Variants in TCP11L2 observed in about 807,000 individuals in gnomAD.
TCP11L2 encodes t-complex 11 like 2.
Under a neutral mutation model 50.7 loss-of-function variants are expected in TCP11L2, and 39 were observed. The observed-to-expected ratio is 0.77, with a 90% CI of 0.60 to 1.01. The LOEUF (loss-of-function observed/expected upper bound fraction) is 1.01, where lower values mean the gene tolerates loss of function less well. TCP11L2 is among the 50% of genes least tolerant of loss of function. The pLI is 0.00. For synonymous variants in TCP11L2, 192 were observed against 219.3 expected, an observed-to-expected ratio of 0.88 and a Z score of 1.10; for missense variants, 612 against 614.7, an observed-to-expected ratio of 1.00 and a Z score of 0.05.
intron 5 of TCP11L2, among the ~76,000 whole-genome samples, chr12:106,322,153 A>C (rs1359887090): frequency 6.6e-6 from 1 of 152,146 alleles, no homozygotes; most frequent in Non-Finnish European, 1.5e-5. Context: ...TTATCCAGTA[A>C]AAGTTTGTTT....
chr12:106,339,414 C>T (rs1442669264), intron 8 of TCP11L2, among the ~76,000 whole-genome samples: 1 of 152,044 alleles, frequency 6.6e-6, no homozygotes, highest in Non-Finnish European at 1.5e-5. Context: ...AATATTTTCT[C>T]CCATTCTATA....
chr12:106,336,740 A>C (rs1025421024), intron 8 of TCP11L2, among the ~76,000 whole-genome samples: 1 of 151,912 alleles, frequency 6.6e-6, no homozygotes, highest in Non-Finnish European at 1.5e-5. Context: ...TTTAGTAGAG[A>C]CCGGGTTTCA....
intron 4 of TCP11L2, 66 bp from the exon 5 acceptor site, chr12:106,321,420 T>G (rs1028169893): frequency 7.2e-7 from 1 of 1,389,926 alleles, no homozygotes; most frequent in Non-Finnish European, 9.9e-7. Flanking sequence ...ATCTAGACAC[T>G]GAGGTGAAAA....
intron 1 of TCP11L2, among the ~76,000 whole-genome samples, chr12:106,307,853 G>A (rs1203619591): frequency 6.6e-6 from 1 of 152,190 alleles, no homozygotes; most frequent in African/African-American, 2.4e-5. Context: ...GAAAACATTT[G>A]TATACTGTTT....
At chr12:106,298,465 C>T (rs2034376089), upstream of TCP11L2, among the ~76,000 whole-genome samples, 1 of 152,106 alleles carries the variant, frequency 6.6e-6, no homozygotes, top group Admixed American at 6.5e-5. Context: ...TGAAGATGGA[C>T]AGGGGAGAGA....
chr12:106,329,340 G>C (rs1402138171), intron 6 of TCP11L2: 3 of 1,536,018 alleles, frequency 2.0e-6, no homozygotes, highest in African/African-American at 1.4e-5. Context: ...GAAAAGCCGA[G>C]GTTGCAGGTG....
intron 3 of TCP11L2, among the ~76,000 whole-genome samples, chr12:106,315,855 G>A (rs532930803): frequency 1.6e-4 from 25 of 152,322 alleles, no homozygotes; most frequent in Admixed American, 7.8e-4. Flanking sequence ...AAGTTGGTTC[G>A]TGGATTGAAT....
chr12:106,307,796 T>C (rs1278607227), intron 1 of TCP11L2, among the ~76,000 whole-genome samples: 1 of 152,188 alleles, frequency 6.6e-6, no homozygotes, highest in African/African-American at 2.4e-5. Flanking sequence ...CCCTCCAGAG[T>C]GTTTAATTCC....
At chr12:106,331,490 C>T (rs1278799381) in intron 6 of TCP11L2, among the ~76,000 whole-genome samples, 1 of 152,186 alleles carries the variant, frequency 6.6e-6, no homozygotes, top group Non-Finnish European at 1.5e-5. Context: ...TGACTGGGCC[C>T]TCTAGAGACA....
chr12:106,320,248 A>G (rs895815783), intron 4 of TCP11L2, among the ~76,000 whole-genome samples: 5 of 152,140 alleles, frequency 3.3e-5, no homozygotes, highest in African/African-American at 1.2e-4. Context: ...AAATACAAAA[A>G]TTAGCTGGAT....
intron 1 of TCP11L2, chr12:106,303,571 T>A (rs1203471444): frequency 6.6e-6 from 1 of 152,350 alleles, no homozygotes; most frequent in Non-Finnish European, 1.5e-5. Flanking sequence ...AAAAGCCGAT[T>A]GGGCCTGGGC....
intron 6 of TCP11L2, among the ~76,000 whole-genome samples, chr12:106,332,136 A>G (rs1484661296): frequency 6.6e-6 from 1 of 152,238 alleles, no homozygotes. Context: ...GCCATTTGCT[A>G]TACTTTAAGG....
intron 6 of TCP11L2, among the ~76,000 whole-genome samples, chr12:106,334,230 T>C (rs1048151841): frequency 2.0e-5 from 3 of 152,190 alleles, no homozygotes; most frequent in Non-Finnish European, 4.4e-5. Context: ...TACTAAGAGA[T>C]GTCTGTATTA....
intron 9 of TCP11L2, among the ~76,000 whole-genome samples, chr12:106,343,838 T>C (rs1436619752): frequency 5.9e-5 from 9 of 151,668 alleles, no homozygotes; most frequent in Non-Finnish European, 1.0e-4. Context: ...TTTGTATTCT[T>C]AGTAGAGACG....
At position 106,312,228 on chromosome 12, in the gene TCP11L2, A is replaced by G. The variant is rs887131123; in HGVS notation, c.157+996A>G. The G allele has an allele frequency of 1.7e-5, 7 of 411,310 alleles. No homozygotes were observed. In the East Asian group the frequency reaches 5.0e-4, roughly 29 times the overall value. 25.5% of individuals were successfully genotyped at this position (411,310 alleles called of 1,614,324 possible). On this transcript the variant is annotated intron_variant, in intron 2 of 9. Transcript: ENST00000299045. ...AAGTGAATGTACGGTAAAATTAACC[A>G]TTGATTAATCACTGGACATTTAGTT...
intron 6 of TCP11L2, chr12:106,329,325 C>T (rs547531928): frequency 4.6e-6 from 7 of 1,535,862 alleles, no homozygotes; most frequent in Admixed American, 3.9e-5. Context: ...TAATCCTGTC[C>T]CCAGGAAAAG....
At chr12:106,300,920 T>C (rs118163373), upstream of TCP11L2, among the ~76,000 whole-genome samples, 220 of 152,324 alleles carry the variant, frequency 1.4e-3, no homozygotes, top group Non-Finnish European at 2.7e-3. Flanking sequence ...CATGGTCACC[T>C]GCTCCAACTT....
chr12:106,311,665 A>C (rs2034858816), intron 2 of TCP11L2, among the ~76,000 whole-genome samples: 1 of 152,182 alleles, frequency 6.6e-6, no homozygotes, highest in Non-Finnish European at 1.5e-5. Flanking sequence ...TTTCATGTTG[A>C]TTTCAAAAAA....
chr12:106,314,483 C>T lies in TCP11L2; in HGVS notation c.283C>T (p.Pro95Ser). The T allele has an allele frequency of 2.5e-6, 4 of 1,585,052 alleles. No homozygotes were observed. The highest frequency in any genetic ancestry group is 3.4e-6 in the Non-Finnish European group (4 of 1,163,390). The stretch of plus-strand genomic sequence containing the variant: ...CTTTCAATTGAAACAAGAGGCTCTC[C>T]CAGAAAAGAGGTAACCTGGGGGCAT... ...ENFQLKQEAL[P>S]EKSLAGRVKH... The change falls in exon 3 of 10, where the codon CCA (proline) becomes TCA (serine). Residue 95 changes from proline to serine, a missense_variant. Physicochemically the swap from Pro to Ser is moderately conservative, Grantham distance 74. Coordinates refer to ENST00000299045, the MANE Select transcript of TCP11L2 (RefSeq NM_152772.3).
Sources: allele counts gnomAD v4.1 joint callset (sites outside exome capture counted in the v4.1 genomes callset), GRCh38; gene constraint gnomAD v4.1.1; transcripts MANE v1.5; gene names NCBI Gene and HGNC (gene_info 2026-07-23, HGNC 2026-07-21).